RNF43: variants seen among roughly 807,000 people sequenced by gnomAD.
RNF43 encodes E3 ubiquitin-protein ligase RNF43.
In RNF43, 37 loss-of-function variants were observed where a neutral mutation model predicts 78.4. That is an observed-to-expected ratio of 0.47 (90% CI 0.36 to 0.62). RNF43 has a LOEUF of 0.62. Among genes scored for constraint, RNF43 ranks in the 20% least tolerant of loss-of-function variants. RNF43 has a pLI of 0.00. For missense variants in RNF43, 774 were observed against 1,007.9 expected (o/e 0.77, Z 3.14); for synonymous variants, 347 against 395.0 (o/e 0.88, Z 1.44).
rs1471756334 is a variant in RNF43, at chr17:58,354,514, T to C, written c.*429A>G. ...TCACCCAAGGAGGGAGGTGATAAGG[T>C]GTCATGCGTTCTGCTGAACCCACTG... On this transcript the variant is annotated 3_prime_UTR_variant, in exon 10 of 10. Coordinates refer to ENST00000407977, the MANE Select transcript of RNF43 (RefSeq NM_017763.6). 2 of 291,834 alleles carry C rather than the reference T, an allele frequency of 6.9e-6. No homozygotes were observed. Among genetic ancestry groups the C allele is most frequent in the Non-Finnish European group, 1.3e-5 (2 of 149,258 alleles). 18.1% of individuals were successfully genotyped at this position (291,834 alleles called of 1,614,324 possible).
rs960617840 is a variant in RNF43 at position 58,353,714 on chromosome 17, A to G, written c.*1229T>C. The G allele has an allele frequency of 1.4e-5, 3 of 211,450 alleles. No homozygotes were observed. Among genetic ancestry groups the G allele is most frequent in the Middle Eastern group, 1.5e-3 (1 of 658 alleles). 13.1% of individuals were successfully genotyped at this position (211,450 alleles called of 1,614,324 possible). A position where few individuals can be genotyped will look rare whatever the true frequency, so the allele number is the denominator to read the frequency against. On this transcript the variant is annotated 3_prime_UTR_variant, in exon 10 of 10. Coordinates refer to ENST00000407977, the MANE Select transcript of RNF43 (RefSeq NM_017763.6). Reference sequence around the variant, plus strand: ...ATATTAGCAAATAAATATATTTCTTAACATAGTGCCTGATTCAAGCGTCTG... The same window carrying G: ...ATATTAGCAAATAAATATATTTCTTGACATAGTGCCTGATTCAAGCGTCTG...
intron 2 of RNF43, among the ~76,000 whole-genome samples, chr17:58,401,304 A>AT (rs1386697499): frequency 6.6e-6 from 1 of 152,260 alleles, no homozygotes; most frequent in East Asian, 1.9e-4. Context: ...TTTACAAGTC[A>AT]TCTGGAGAAC....
intron 1 of RNF43, chr17:58,416,359 T>C (rs1468851965): frequency 6.6e-6 from 1 of 152,356 alleles, no homozygotes; most frequent in East Asian, 1.9e-4. Flanking sequence ...TCTTCACACA[T>C]TACAGGATAA....
intron 2 of RNF43, among the ~76,000 whole-genome samples, chr17:58,385,913 C>A (rs1973422192): frequency 6.6e-6 from 1 of 151,538 alleles, no homozygotes; most frequent in South Asian, 2.1e-4. Flanking sequence ...TCAAGACCAG[C>A]CTGGGAAACA....
chr17:58,369,282 C>T (rs899186184), intron 3 of RNF43, among the ~76,000 whole-genome samples: 29 of 152,242 alleles, frequency 1.9e-4, no homozygotes, highest in Non-Finnish European at 4.3e-4. Flanking sequence ...AGATGCCACA[C>T]TCCCCAGCTC....
intron 2 of RNF43, among the ~76,000 whole-genome samples, chr17:58,408,420 A>T (rs568235795): frequency 5.9e-5 from 9 of 152,334 alleles, no homozygotes; most frequent in Non-Finnish European, 7.4e-5. Flanking sequence ...GGTAATCACA[A>T]ATTTAAGTAC....
intron 2 of RNF43, among the ~76,000 whole-genome samples, chr17:58,378,178 TCTGAGATGA>T (rs973451004): frequency 1.3e-5 from 2 of 152,220 alleles, no homozygotes; most frequent in African/African-American, 4.8e-5. Context: ...TCACTATCTC[TCTGAGATGA>T]CTGAGTTTCC....
intron 2 of RNF43, among the ~76,000 whole-genome samples, chr17:58,375,300 G>C (rs2143536637): frequency 6.6e-6 from 1 of 152,292 alleles, no homozygotes; most frequent in Non-Finnish European, 1.5e-5. Context: ...AAACATAGCT[G>C]AAAAGGCTCT....
intron 3 of RNF43, among the ~76,000 whole-genome samples, chr17:58,364,415 C>G (rs1199300869): frequency 6.6e-6 from 1 of 152,158 alleles, no homozygotes; most frequent in Non-Finnish European, 1.5e-5. Flanking sequence ...TCTAGCCAAC[C>G]AGGCAGAACA....
intron 3 of RNF43, among the ~76,000 whole-genome samples, chr17:58,368,560 A>AG (rs1400961099): frequency 1.3e-5 from 2 of 151,540 alleles, no homozygotes; most frequent in African/African-American, 4.9e-5. Flanking sequence ...AAAAAAAAAA[A>AG]AAATTAGCTG....
rs372132623 is a variant in RNF43 at position 58,360,841 on chromosome 17, C to T, written c.791G>A (p.Ser264Asn). Residue 264 changes from serine to asparagine, a missense_variant, in exon 7 of 10, where the codon AGC becomes AAC. Ser to Asn is a conservative substitution (Grantham distance 46, BLOSUM62 1). Coordinates refer to ENST00000407977, the MANE Select transcript of RNF43 (RefSeq NM_017763.6). The surrounding 1 kb of genome is among the most constrained non-coding windows in gnomAD (Gnocchi z 4.3). The stretch of plus-strand genomic sequence containing the variant: ...ACACACAGGGGCTGAGCTGCAGCTG[C>T]TCCCTGAGTCTGGCCACTCACCCCG... ...QARGEWPDSG[S>N]SCSSAPVCAI... The T allele has an allele frequency of 9.9e-6, 16 of 1,613,106 alleles. No homozygotes were observed. Among genetic ancestry groups the T allele is most frequent in the Non-Finnish European group, 1.1e-5 (13 of 1,179,604 alleles).
In RNF43 at chr17:58,379,163, G is replaced by A. The variant is rs140026792; in HGVS notation, c.253-8130C>T. ...TGCACGCTGGGGAGGCTTTTCTGTG[G>A]CATGGTAAGCATTAGGTGAGTACTG... On this transcript the variant is annotated intron_variant, in intron 2 of 9. Coordinates refer to ENST00000407977, the MANE Select transcript of RNF43 (RefSeq NM_017763.6). Among the ~76,000 whole-genome samples the A allele has an allele frequency of 1.5e-3, 228 of 152,234 alleles. 1 individual carries two copies. The highest frequency in any genetic ancestry group is 5.2e-3 in the African/African-American group (217 of 41,534).
intron 2 of RNF43, among the ~76,000 whole-genome samples, chr17:58,392,045 C>T (rs1045732092): frequency 5.3e-5 from 8 of 152,194 alleles, no homozygotes; most frequent in Admixed American, 2.0e-4. Flanking sequence ...ATAGAGCAAG[C>T]AGCCCCTAAG....
chr17:58,354,935 T>G lies in RNF43; in HGVS notation c.*8A>C, dbSNP rs755867867. On this transcript the variant is annotated 3_prime_UTR_variant, in exon 10 of 10. Transcript: ENST00000407977. ...GCACACTCTTGGTTGGAGCTAGGCC[T>G]GAACATCTCACACAGCCTGTTCACA... 1 of 1,613,922 alleles carries G rather than the reference T, an allele frequency of 6.2e-7. No individual in the cohort carries two copies.
At chr17:58,413,200 T>C (rs952796992) in intron 2 of RNF43, among the ~76,000 whole-genome samples, 2 of 152,182 alleles carry the variant, frequency 1.3e-5, no homozygotes, top group African/African-American at 4.8e-5. Context: ...GTAAACCATG[T>C]GTCCCTAACA....
intron 2 of RNF43, among the ~76,000 whole-genome samples, chr17:58,410,625 G>A (rs1234921141): frequency 6.6e-6 from 1 of 152,186 alleles, no homozygotes; most frequent in Non-Finnish European, 1.5e-5. Context: ...TGCATGCTAT[G>A]TCAGTGTTTA....
chr17:58,397,500 A>G (rs1037678224), intron 2 of RNF43, among the ~76,000 whole-genome samples: 5 of 151,804 alleles, frequency 3.3e-5, no homozygotes, highest in African/African-American at 1.2e-4. Context: ...GTCTCTACTA[A>G]AAAAATACAA....
chr17:58,385,512 G>A (rs1378238499), intron 2 of RNF43, among the ~76,000 whole-genome samples: 1 of 152,154 alleles, frequency 6.6e-6, no homozygotes, highest in Non-Finnish European at 1.5e-5. Context: ...CTCTGGAGTT[G>A]GAACCATTAC....
At chr17:58,401,965 A>AAT (rs963561157) in intron 2 of RNF43, among the ~76,000 whole-genome samples, 9 of 152,216 alleles carry the variant, frequency 5.9e-5, no homozygotes, top group African/African-American at 2.2e-4. Context: ...AAACTAGCAC[A>AAT]TCTCAAATTT....
Sources: gnomAD v4.1 joint callset for allele counts (sites outside exome capture counted in the v4.1 genomes callset) on GRCh38, gnomAD v4.1.1 for gene constraint, Gnocchi (gnomAD v3.1) non-coding constraint, MANE v1.5 for transcripts, NCBI Gene and HGNC (gene_info 2026-07-23, HGNC 2026-07-21) for gene names.